RNF213: variants seen among roughly 807,000 people sequenced by gnomAD.
The protein encoded by RNF213 is E3 ubiquitin-protein ligase RNF213.
Under a neutral mutation model 514.4 loss-of-function variants are expected in RNF213, and 341 were observed. That is an observed-to-expected ratio of 0.66 (90% CI 0.61 to 0.73). The LOEUF is 0.73. Among genes scored for constraint, RNF213 ranks in the 30% least tolerant of loss-of-function variants. The pLI is 0.00. For missense variants in RNF213, 5,767 were observed against 6,615.6 expected (o/e 0.87, Z 4.45); for synonymous variants, 2,655 against 2,658.2 (o/e 1.00, Z 0.04).
intron 32 of RNF213, chr17:80,352,058 T>A (rs757308535): frequency 1.2e-5 from 4 of 337,514 alleles, no homozygotes; most frequent in Non-Finnish European, 2.2e-5. Context: ...TTTCACCACG[T>A]TGGCCTAGAT....
intron 26 of RNF213, among the ~76,000 whole-genome samples, chr17:80,342,639 T>G (rs897970495): frequency 1.4e-5 from 2 of 147,062 alleles, no homozygotes; most frequent in African/African-American, 4.9e-5. Context: ...TCTATATATA[T>G]TCTATATATT....
chr17:80,273,506 C>T, intron 3 of RNF213, 102 bp downstream of exon 3: 1 of 1,470,138 alleles, frequency 6.8e-7, no homozygotes, highest in Non-Finnish European at 9.3e-7. Flanking sequence ...CACCATGGCC[C>T]AGCCCATTGA....
chr17:80,381,590 G>A lies in RNF213; in HGVS notation c.13841G>A (p.Gly4614Asp), dbSNP rs755118607. Residue 4614 changes from glycine (G) to aspartate (D), a missense_variant, in exon 57 of 68, where the codon GGC (glycine) becomes GAC (aspartate). Physicochemically the swap from Gly to Asp is moderately conservative, Grantham distance 94. Around this residue, in one of 13 missense-constraint regions of RNF213, gnomAD observed 1,245 missense variants for 1,339.0 expected, o/e 0.93. Coordinates refer to ENST00000582970, the MANE Select transcript of RNF213 (RefSeq NM_001256071.3). ...AAGCCTCCAGTGAGGGATCCAAAAG[G>A]CTTTCTGCAGCAGCACATCCTGAAG... ...IIKPPVRDPK[G>D]FLQQHILKDL... 2 of 1,614,188 alleles carry A rather than the reference G, an allele frequency of 1.2e-6. No homozygotes were observed. Among genetic ancestry groups the A allele is most frequent in the South Asian group, 2.2e-5 (2 of 91,088 alleles).
intron 44 of RNF213, among the ~76,000 whole-genome samples, 198 bp from the exon 45 acceptor site, chr17:80,369,304 A>G (rs1341826899): frequency 1.3e-5 from 2 of 151,846 alleles, no homozygotes; most frequent in Non-Finnish European, 2.9e-5. Context: ...AGGCTGAGGC[A>G]GGAGGATCAC....
intron 39 of RNF213, among the ~76,000 whole-genome samples, chr17:80,362,896 C>G (rs2079107496): frequency 6.6e-6 from 1 of 152,158 alleles, no homozygotes; most frequent in Admixed American, 6.5e-5. Context: ...ATGTCATGTT[C>G]AGTGGCAAAA....
At chr17:80,303,567 CTTTT>C (rs61546164) in intron 11 of RNF213, among the ~76,000 whole-genome samples, 2 of 130,918 alleles carry the variant, frequency 1.5e-5, no homozygotes, top group Non-Finnish European at 1.6e-5. Flanking sequence ...CTTTTCTTTT[CTTTT>C]TTTTTTTTTT....
At chr17:80,376,279 T>C (rs144239294) in intron 51 of RNF213, 22 bp from the exon 52 acceptor site, 43,496 of 1,613,564 alleles carry the variant, frequency 0.027, 726 homozygotes, top group Non-Finnish European at 0.032. Context: ...TACATCTTAA[T>C]GTTAAGTTTT....
In RNF213 at chr17:80,288,883, C is replaced by A; in HGVS notation, c.933+128C>A. 1 of 1,494,366 alleles carries A rather than the reference C, an allele frequency of 6.7e-7. No individual in the cohort carries two copies. Among genetic ancestry groups the A allele is most frequent in the Non-Finnish European group, 9.2e-7 (1 of 1,091,180 alleles). The allele number at this position is 1,494,366 out of a possible 1,614,324, so 92.6% of individuals were successfully genotyped here. On this transcript the variant is annotated intron_variant, in intron 5 of 67. Transcript: ENST00000582970. The surrounding 1 kb of genome is among the most constrained non-coding windows in gnomAD (Gnocchi z 4.9). ...AGCCATGATTCAGACAAAGCTCTGGCCTTCGGGGTGCTCACATTCCAGCGG... is the reference window on the plus strand; with the variant it reads ...AGCCATGATTCAGACAAAGCTCTGGACTTCGGGGTGCTCACATTCCAGCGG...
chr17:80,350,611 C>CT (rs2078474348), intron 31 of RNF213, among the ~76,000 whole-genome samples: 1 of 152,112 alleles, frequency 6.6e-6, no homozygotes, highest in Non-Finnish European at 1.5e-5. Flanking sequence ...GTGGAATGGG[C>CT]CTGGGCAACA....
chr17:80,312,971 A>G (rs1320264619), intron 14 of RNF213, 41 bp from the exon 15 acceptor site: 5 of 1,612,832 alleles, frequency 3.1e-6, no homozygotes, highest in South Asian at 2.2e-5. Context: ...ACCTGAGTCC[A>G]CAGCCGAGGA....
At chr17:80,286,271 T>G (rs1598920874) in intron 3 of RNF213, among the ~76,000 whole-genome samples, 1 of 127,806 alleles carries the variant, frequency 7.8e-6, no homozygotes, top group African/African-American at 3.0e-5. Flanking sequence ...GGAGATGTTA[T>G]GGGTCGGAGG....
At chr17:80,313,827 GTGGAGGTGA>G (rs760160785) in intron 15 of RNF213, among the ~76,000 whole-genome samples, 1,439 of 71,518 alleles carry the variant, frequency 0.02, 100 homozygotes, top group African/African-American at 0.031. Context: ...GATGGTGGTG[GTGGAGGTGA>G]TGGTGGAGGT....
chr17:80,271,971 C>T (rs1388063702), intron 2 of RNF213, among the ~76,000 whole-genome samples: 1 of 148,244 alleles, frequency 6.7e-6, no homozygotes, highest in Non-Finnish European at 1.5e-5. Context: ...CAGAGCGAGA[C>T]TCCGTCTCAA....
Position 80,372,981 on chromosome 17 carries a change from C to T in RNF213, c.12758C>T (p.Ala4253Val), listed in dbSNP as rs2079576089. 6.2e-7 allele frequency: 1 copy of T among 1,613,474 alleles called. No individual in the cohort carries two copies. Among genetic ancestry groups the T allele is most frequent in the African/African-American group, 1.3e-5 (1 of 74,846 alleles). Residue 4253 changes from alanine to valine, a missense_variant, in exon 49 of 68, where the codon GCC (alanine) becomes GTC (valine). Physicochemically the swap from Ala to Val is moderately conservative, Grantham distance 64. Around this residue, in one of 13 missense-constraint regions of RNF213, gnomAD observed 1,245 missense variants for 1,339.0 expected, o/e 0.93. Transcript: ENST00000582970. ...TTTCTCGTTGGCCTCTCAGAGATGGCCAAGGAGAAGCAGTGCTACCTGCAG... is the reference window on the plus strand; with the variant it reads ...TTTCTCGTTGGCCTCTCAGAGATGGTCAAGGAGAAGCAGTGCTACCTGCAG... Reference protein sequence around the residue: ...LSEPEGGPEMAKEKQCYLQQV... With the variant: ...LSEPEGGPEMVKEKQCYLQQV...
At chr17:80,310,244 T>C (rs1468436562) in intron 14 of RNF213, among the ~76,000 whole-genome samples, 1 of 152,116 alleles carries the variant, frequency 6.6e-6, no homozygotes, top group Non-Finnish European at 1.5e-5. Context: ...GTTTAATGTT[T>C]AGACTGATCA....
intron 67 of RNF213, among the ~76,000 whole-genome samples, chr17:80,390,812 C>T (rs1392704329): frequency 1.3e-5 from 2 of 152,072 alleles, no homozygotes; most frequent in African/African-American, 4.8e-5. Flanking sequence ...CCTGTAATCC[C>T]AGCACTTTGG....
At chr17:80,309,746 TTTTTTTGTTTTTTG>T (rs571689016) in intron 14 of RNF213, among the ~76,000 whole-genome samples, 2 of 152,060 alleles carry the variant, frequency 1.3e-5, no homozygotes, top group East Asian at 3.9e-4. Flanking sequence ...GGATCAGTTT[TTTTTTTGTTTTTTG>T]TTTTTTGTTT....
At position 80,363,229 on chromosome 17, in the gene RNF213, T is replaced by C. The variant is rs1178571260; in HGVS notation, c.11483T>C (p.Phe3828Ser). The part of the protein sequence containing the change: ...YQRFRSRLQN[F>S]SRILTIYPQV... ...CGTTTCAGAAGCCGTCTGCAGAACT[T>C]TTCCAGAATCCTGACCATCTACCCT... is the stretch of plus-strand genomic sequence containing the variant. Residue 3828 changes from phenylalanine to serine, a missense_variant, in exon 40 of 68, where the codon TTT becomes TCT. Around this residue, in one of 13 missense-constraint regions of RNF213, gnomAD observed 355 missense variants for 358.0 expected, o/e 0.99. Coordinates refer to ENST00000582970, the MANE Select transcript of RNF213 (RefSeq NM_001256071.3). 1.2e-6 allele frequency: 2 copies of C among 1,614,020 alleles called. No individual in the cohort carries two copies. Among genetic ancestry groups the C allele is most frequent in the Non-Finnish European group, 1.7e-6 (2 of 1,180,030 alleles).
chr17:80,381,540 C>T lies in RNF213; in HGVS notation c.13798-7C>T. 1 of 1,614,092 alleles carries T rather than the reference C, an allele frequency of 6.2e-7. No homozygotes were observed. The highest frequency in any genetic ancestry group is 1.1e-5 in the South Asian group (1 of 91,046). On this transcript the variant is annotated splice_polypyrimidine_tract_variant and splice_region_variant and intron_variant, in intron 56 of 67. Coordinates refer to ENST00000582970, the MANE Select transcript of RNF213 (RefSeq NM_001256071.3). The stretch of plus-strand genomic sequence containing the variant: ...CCGCTGAACACTCTGTTCCGTTGCC[C>T]CCACAGGCTCTGATAAACATCATTA...
Sources: gnomAD v4.1 joint callset for allele counts (sites outside exome capture counted in the v4.1 genomes callset) on GRCh38, gnomAD v4.1.1 for gene constraint, gnomAD v4.1.1 regional missense constraint, Gnocchi (gnomAD v3.1) non-coding constraint, MANE v1.5 for transcripts, NCBI Gene and HGNC (gene_info 2026-07-23, HGNC 2026-07-21) for gene names.